The following DCLK1 variants were observed in gnomAD, a reference collection of about 807,000 sequenced individuals.
DCLK1 encodes the protein serine/threonine-protein kinase DCLK1.
DCLK1 carries 16 observed loss-of-function variants against 86.2 expected under a neutral mutation model. The ratio of observed to expected loss-of-function variants is 0.19; its 90% CI spans 0.13 to 0.28. The LOEUF (loss-of-function observed/expected upper bound fraction) is 0.28. Among genes scored for constraint, DCLK1 ranks in the 10% least tolerant of loss-of-function variants. The pLI is 1.00. For synonymous variants in DCLK1, 369 were observed against 370.5 expected (o/e 1.00, Z 0.05); for missense variants, 590 against 940.2 (o/e 0.63, Z 4.87).
intron 3 of DCLK1, among the ~76,000 whole-genome samples, chr13:36,077,587 T>C (rs1400445799): frequency 6.6e-6 from 1 of 151,802 alleles, no homozygotes; most frequent in Non-Finnish European, 1.5e-5. Flanking sequence ...ATAAAGAAAA[T>C]TTCTATAATA....
intron 3 of DCLK1, among the ~76,000 whole-genome samples, chr13:35,955,590 A>T (rs1266439798): frequency 6.6e-6 from 1 of 152,178 alleles, no homozygotes; most frequent in Non-Finnish European, 1.5e-5. Flanking sequence ...AGACTAGAGC[A>T]AAGTGTAAAA....
At position 35,997,596 on chromosome 13, in the gene DCLK1, AC is replaced by A. The variant is rs534791045; in HGVS notation, c.724-50140del. Among the ~76,000 whole-genome samples the A allele has an allele frequency of 4.6e-5, 7 of 152,334 alleles. No homozygotes were observed. In the South Asian group the frequency reaches 1.4e-3, roughly 32 times the overall value. ...TGTTGGCCTGATTAGTTCAGTCCTAACCTAAAAATGACTGATTGCTAATGAA... is the reference window on the plus strand; with the variant it reads ...TGTTGGCCTGATTAGTTCAGTCCTAACTAAAAATGACTGATTGCTAATGAA... On this transcript the variant is annotated intron_variant, in intron 3 of 16. Transcript: ENST00000360631.
chr13:35,910,170 T>C (rs1184076874), intron 4 of DCLK1, among the ~76,000 whole-genome samples: 2 of 152,180 alleles, frequency 1.3e-5, no homozygotes, highest in African/African-American at 4.8e-5. Context: ...ACTCCCTTAA[T>C]TGTAACCTAC....
At chr13:35,960,373 A>T (rs1878388983) in intron 3 of DCLK1, among the ~76,000 whole-genome samples, 1 of 152,246 alleles carries the variant, frequency 6.6e-6, no homozygotes. Flanking sequence ...TAGAAATGTT[A>T]GCTTTAGTTG....
At chr13:36,039,326 T>C (rs1433617952) in intron 3 of DCLK1, among the ~76,000 whole-genome samples, 3 of 152,154 alleles carry the variant, frequency 2.0e-5, no homozygotes, top group African/African-American at 7.2e-5. Context: ...TCAAAGGACA[T>C]AATCTGGTAG....
chr13:35,979,125 T>C (rs1879511168), intron 3 of DCLK1, among the ~76,000 whole-genome samples: 1 of 152,188 alleles, frequency 6.6e-6, no homozygotes, highest in African/African-American at 2.4e-5. Flanking sequence ...TGCTAAGCCA[T>C]GAGGCCACAA....
At chr13:36,007,765 T>C (rs544544498) in intron 3 of DCLK1, among the ~76,000 whole-genome samples, 6 of 152,328 alleles carry the variant, frequency 3.9e-5, no homozygotes, top group African/African-American at 1.2e-4. Flanking sequence ...CTATAAGCCA[T>C]TGCTGTCTTC....
chr13:35,836,185 A>G, intron 7 of DCLK1, 44 bp from the exon 8 acceptor site: 11 of 1,470,586 alleles, frequency 7.5e-6, no homozygotes, highest in Non-Finnish European at 1.0e-5. Context: ...AAAAGGGAAC[A>G]CAGATGTTGC....
chr13:36,129,011 AT>A (rs956359114), intron 1 of DCLK1, among the ~76,000 whole-genome samples: 2 of 152,216 alleles, frequency 1.3e-5, no homozygotes, highest in African/African-American at 4.8e-5. Context: ...GTTCTTCAAC[AT>A]TTTGTAAATT....
At chr13:35,819,570 GTTT>G (rs968724935) in intron 11 of DCLK1, among the ~76,000 whole-genome samples, 7 of 152,100 alleles carry the variant, frequency 4.6e-5, no homozygotes, top group Non-Finnish European at 1.0e-4. Context: ...ATTTAGAAGG[GTTT>G]TATAAGCCTT....
chr13:36,107,497 T>C (rs1334656131), intron 3 of DCLK1, among the ~76,000 whole-genome samples: 1 of 152,144 alleles, frequency 6.6e-6, no homozygotes, highest in Non-Finnish European at 1.5e-5. Context: ...TCTGGGTTTT[T>C]TTCTCTTCAC....
At chr13:36,022,793 A>G (rs1881840889) in intron 3 of DCLK1, among the ~76,000 whole-genome samples, 1 of 152,232 alleles carries the variant, frequency 6.6e-6, no homozygotes, top group Non-Finnish European at 1.5e-5. Context: ...TCTCTGGACC[A>G]TATGACTTCA....
chr13:35,896,494 C>T (rs1350841467), intron 4 of DCLK1, among the ~76,000 whole-genome samples: 8 of 139,908 alleles, frequency 5.7e-5, no homozygotes, highest in South Asian at 4.4e-4. Flanking sequence ...GCAAAGATTG[C>T]GCCATTGCAC....
At chr13:35,829,287 G>A (rs976805184) in intron 8 of DCLK1, among the ~76,000 whole-genome samples, 33 of 152,134 alleles carry the variant, frequency 2.2e-4, no homozygotes, top group African/African-American at 6.8e-4. Flanking sequence ...ACAAGAACAC[G>A]TCTATTATTA....
intron 3 of DCLK1, among the ~76,000 whole-genome samples, chr13:35,962,958 G>A (rs1878535643): frequency 1.3e-5 from 2 of 152,112 alleles, no homozygotes; most frequent in South Asian, 4.1e-4. Flanking sequence ...TATATATTCA[G>A]AAGAGTGAAC....
intron 10 of DCLK1, among the ~76,000 whole-genome samples, chr13:35,827,274 A>G (rs917201194): frequency 3.3e-5 from 5 of 152,176 alleles, no homozygotes; most frequent in African/African-American, 1.2e-4. Context: ...AAAGTGAATG[A>G]TTTTCCATTA....
chr13:36,081,761 A>G (rs1456314310), intron 3 of DCLK1, among the ~76,000 whole-genome samples: 1 of 152,232 alleles, frequency 6.6e-6, no homozygotes, highest in Admixed American at 6.5e-5. Flanking sequence ...CTTCTGGGAA[A>G]AATAACATTT....
At chr13:36,062,895 G>A (rs1340889802) in intron 3 of DCLK1, among the ~76,000 whole-genome samples, 1 of 152,144 alleles carries the variant, frequency 6.6e-6, no homozygotes, top group East Asian at 1.9e-4. Context: ...TCAAAAGGTC[G>A]ATAATCCTGA....
intron 3 of DCLK1, among the ~76,000 whole-genome samples, chr13:36,101,915 T>G (rs1219705288): frequency 6.6e-6 from 1 of 151,942 alleles, no homozygotes; most frequent in East Asian, 1.9e-4. Flanking sequence ...AGCTAATTTT[T>G]GTATTTTATT....
Sources: gnomAD v4.1 joint callset for allele counts (sites outside exome capture counted in the v4.1 genomes callset) on GRCh38, gnomAD v4.1.1 for gene constraint, MANE v1.5 for transcripts, NCBI Gene and HGNC (gene_info 2026-07-23, HGNC 2026-07-21) for gene names.